PROS1: variants seen among roughly 807,000 people sequenced by gnomAD.
The protein encoded by PROS1 is protein S, also known as vitamin K-dependent protein S.
PROS1 carries 29 observed loss-of-function variants against 75.9 expected under a neutral mutation model. The ratio of observed to expected loss-of-function variants is 0.38; its 90% CI spans 0.28 to 0.52. The LOEUF (loss-of-function observed/expected upper bound fraction) is 0.52. PROS1 is among the 20% of genes least tolerant of loss of function. PROS1 has a pLI of 0.83. For missense variants in PROS1, 680 were observed against 810.3 expected (o/e 0.84, Z 1.95); for synonymous variants, 245 against 280.6 (o/e 0.87, Z 1.27).
chr3:93,876,230 C>T (rs1169697072), intron 14 of PROS1, among the ~76,000 whole-genome samples: 1 of 152,072 alleles, frequency 6.6e-6, no homozygotes, highest in African/African-American at 2.4e-5. Context: ...GAAAATTAAA[C>T]AAGTGGATAT....
intron 4 of PROS1, among the ~76,000 whole-genome samples, chr3:93,910,163 A>G (rs186341949): frequency 2.6e-5 from 4 of 152,340 alleles, no homozygotes; most frequent in Non-Finnish European, 4.4e-5. Context: ...TACCAGAATT[A>G]TCATTAGGCC....
intron 1 of PROS1, among the ~76,000 whole-genome samples, chr3:93,940,004 C>A (rs894481738): frequency 6.6e-6 from 1 of 152,268 alleles, no homozygotes; most frequent in Non-Finnish European, 1.5e-5. Context: ...CTCCAGCACA[C>A]AAGAACTTCA....
intron 1 of PROS1, among the ~76,000 whole-genome samples, chr3:93,967,770 T>C (rs1327545478): frequency 6.6e-6 from 1 of 152,102 alleles, no homozygotes; most frequent in Non-Finnish European, 1.5e-5. Flanking sequence ...GCACCTATAG[T>C]CCTAGTTACT....
At chr3:93,958,648 T>C (rs1576217384) in intron 1 of PROS1, 1 of 152,230 alleles carries the variant, frequency 6.6e-6, no homozygotes, top group East Asian at 1.9e-4. Flanking sequence ...TGGGAGAAAA[T>C]TGAATCACTG....
In PROS1 at chr3:93,921,316, TTTTTC is replaced by T. The variant is rs1415858103; in HGVS notation, c.259+2919_259+2923del. Among the ~76,000 whole-genome samples the T allele has an allele frequency of 3.3e-5, 5 of 152,354 alleles. No individual in the cohort carries two copies. In the South Asian group the frequency reaches 6.2e-4, roughly 19 times the overall value. On this transcript the variant is annotated intron_variant, in intron 3 of 14. Transcript: ENST00000394236. ...TAATTCAAAATCAAAAGGAATGCTATTTTTCTTTTCTTTTATTCCCTCACTTAAAT... is the reference window on the plus strand; with the variant it reads ...TAATTCAAAATCAAAAGGAATGCTATTTTTCTTTTATTCCCTCACTTAAAT...
chr3:93,904,347 C>T (rs1436467322), intron 6 of PROS1, among the ~76,000 whole-genome samples: 1 of 152,122 alleles, frequency 6.6e-6, no homozygotes, highest in Non-Finnish European at 1.5e-5. Flanking sequence ...GTCTCAAAAT[C>T]CAAACTCAAA....
intron 2 of PROS1, among the ~76,000 whole-genome samples, chr3:93,925,359 T>C (rs751602290): frequency 5.9e-5 from 9 of 152,070 alleles, no homozygotes; most frequent in African/African-American, 1.2e-4. Context: ...CAATAGATAA[T>C]GGGATTCAAA....
Position 93,930,425 on chromosome 3 carries a change from A to G in PROS1, c.77-3018T>C, listed in dbSNP as rs555336536. Among the ~76,000 whole-genome samples the G allele has an allele frequency of 1.4e-4, 21 of 152,330 alleles. No homozygotes were observed. In the South Asian group the frequency reaches 4.1e-3, roughly 30 times the overall value. On this transcript the variant is annotated intron_variant, in intron 1 of 14. Transcript: ENST00000394236. ...GATTCTTTCTGGGGAAAACAATAAC[A>G]CTTTCATTGAAGGGTGAATACACTG... is the stretch of plus-strand genomic sequence containing the variant.
At chr3:93,966,868 A>G (rs1297063231) in intron 1 of PROS1, among the ~76,000 whole-genome samples, 2 of 151,922 alleles carry the variant, frequency 1.3e-5, no homozygotes. Flanking sequence ...GAATCTTACC[A>G]TGTTGGGATG....
At position 93,923,967 on chromosome 3, in the gene PROS1, A is replaced by G. The variant is rs140777924; in HGVS notation, c.259+273T>C. Among the ~76,000 whole-genome samples, 910 of 152,304 alleles carry G rather than the reference A, an allele frequency of 6.0e-3. 13 individuals are homozygous for G. Among genetic ancestry groups the G allele is most frequent in the African/African-American group, 0.021 (876 of 41,570 alleles). On this transcript the variant is annotated intron_variant, in intron 3 of 14. Coordinates refer to ENST00000394236, the MANE Select transcript of PROS1 (RefSeq NM_000313.4). ...CTCATAGACTATGTCTAGCACCTCA[A>G]TATAACTGAGCATCAGCCCAAGAGC...
intron 1 of PROS1, among the ~76,000 whole-genome samples, chr3:93,941,012 C>T (rs1279300020): frequency 9.2e-5 from 14 of 152,148 alleles, no homozygotes; most frequent in South Asian, 2.1e-4. Flanking sequence ...TTGATCTTAA[C>T]GATGGTTTTT....
intron 1 of PROS1, among the ~76,000 whole-genome samples, chr3:93,952,268 G>T (rs908815676): frequency 1.3e-5 from 2 of 151,972 alleles, no homozygotes; most frequent in Non-Finnish European, 2.9e-5. Context: ...AAATCAACAG[G>T]ATATACATTC....
At chr3:93,925,722 G>A (rs1208864540) in intron 2 of PROS1, among the ~76,000 whole-genome samples, 3 of 151,290 alleles carry the variant, frequency 2.0e-5, no homozygotes, top group Non-Finnish European at 2.9e-5. Context: ...GACACAGGAG[G>A]CTGAGACGGG....
intron 1 of PROS1, among the ~76,000 whole-genome samples, chr3:93,953,270 C>T (rs1709536549): frequency 1.3e-5 from 2 of 151,998 alleles, no homozygotes; most frequent in African/African-American, 4.8e-5. Flanking sequence ...AGAGACACAA[C>T]AACAAAAAAA....
chr3:93,944,468 A>G (rs113296416), intron 1 of PROS1, among the ~76,000 whole-genome samples: 2,814 of 152,218 alleles, frequency 0.018, 64 homozygotes, highest in African/African-American at 0.057. Context: ...TCAGACCACA[A>G]TGCAATCAAA....
chr3:93,964,578 T>A (rs965337044), intron 1 of PROS1, among the ~76,000 whole-genome samples: 3 of 152,198 alleles, frequency 2.0e-5, no homozygotes, highest in Non-Finnish European at 2.9e-5. Context: ...TTAAGATGTT[T>A]ATCAAGACAA....
chr3:93,927,839 CA>C (rs1332905229), intron 1 of PROS1, among the ~76,000 whole-genome samples: 5 of 95,630 alleles, frequency 5.2e-5, no homozygotes, highest in Admixed American at 5.2e-4. Context: ...CCCATTTCTA[CA>C]AAAAACAAAC....
chr3:93,939,241 G>C (rs1709238338), intron 1 of PROS1, among the ~76,000 whole-genome samples: 1 of 152,088 alleles, frequency 6.6e-6, no homozygotes, highest in African/African-American at 2.4e-5. Flanking sequence ...CAAATGGTCT[G>C]AGGTGCCTGA....
chr3:93,963,049 T>G (rs1045795902), intron 1 of PROS1, among the ~76,000 whole-genome samples: 23 of 152,320 alleles, frequency 1.5e-4, no homozygotes, highest in African/African-American at 4.8e-4. Flanking sequence ...GATCCAATTG[T>G]GCTCAAATTT....
Sources: allele counts gnomAD v4.1 joint callset (sites outside exome capture counted in the v4.1 genomes callset), GRCh38; gene constraint gnomAD v4.1.1; transcripts MANE v1.5; gene names NCBI Gene and HGNC (gene_info 2026-07-23, HGNC 2026-07-21).